PHF14: variants seen among roughly 807,000 people sequenced by gnomAD.
PHF14 encodes the protein PHD finger protein 14.
Under a neutral mutation model 117.9 loss-of-function variants are expected in PHF14, and 55 were observed. The observed-to-expected ratio is 0.47, with a 90% CI of 0.38 to 0.58. PHF14 has a LOEUF of 0.58. Among genes scored for constraint, PHF14 ranks in the 20% least tolerant of loss-of-function variants. The probability of loss-of-function intolerance (pLI) is 0.00; values close to 1 mark genes in which losing one functional copy is unlikely to be tolerated. For missense variants in PHF14, 978 were observed against 1,122.2 expected (o/e 0.87, Z 1.84); for synonymous variants, 409 against 368.6 (o/e 1.11, Z -1.26).
intron 2 of PHF14, among the ~76,000 whole-genome samples, chr7:10,980,812 C>T (rs2128307818): frequency 6.6e-6 from 1 of 152,206 alleles, no homozygotes; most frequent in Admixed American, 6.5e-5. Context: ...GGTGCATGTT[C>T]CATGTTACCC....
chr7:11,020,553 A>T (rs979538147), intron 5 of PHF14, among the ~76,000 whole-genome samples: 4 of 151,402 alleles, frequency 2.6e-5, no homozygotes, highest in African/African-American at 9.7e-5. Context: ...TAAATTTTGT[A>T]TTTTTTGTAG....
intron 7 of PHF14, among the ~76,000 whole-genome samples, chr7:11,030,672 T>A (rs1052568566): frequency 1.2e-4 from 19 of 152,304 alleles, no homozygotes; most frequent in African/African-American, 4.6e-4. Context: ...TACATTAGGA[T>A]GTGAGAATTA....
At chr7:11,036,878 G>C in intron 9 of PHF14, 107 bp from the exon 10 acceptor site, 1 of 967,474 alleles carries the variant, frequency 1.0e-6, no homozygotes, top group Non-Finnish European at 1.5e-6. Context: ...ATACTTAAAA[G>C]TTTTAAACTA....
chr7:10,988,595 T>TA (rs1440562336), intron 3 of PHF14, among the ~76,000 whole-genome samples: 2 of 149,978 alleles, frequency 1.3e-5, no homozygotes, highest in Non-Finnish European at 3.0e-5. Flanking sequence ...TTTTTGGACT[T>TA]ACCGTGGGGA....
intron 2 of PHF14, among the ~76,000 whole-genome samples, chr7:10,982,137 G>C (rs1052553060): frequency 6.6e-5 from 10 of 152,064 alleles, no homozygotes; most frequent in African/African-American, 2.4e-4. Context: ...TTTTAATTTA[G>C]GGTTATCTAT....
At chr7:11,092,543 T>C (rs1786678817) in intron 16 of PHF14, among the ~76,000 whole-genome samples, 1 of 127,132 alleles carries the variant, frequency 7.9e-6, no homozygotes, top group African/African-American at 3.0e-5. Context: ...GGCCTGGATC[T>C]CACTCTTGAA....
intron 6 of PHF14, among the ~76,000 whole-genome samples, chr7:11,023,249 A>G (rs939734442): frequency 6.6e-6 from 1 of 152,170 alleles, no homozygotes; most frequent in African/African-American, 2.4e-5. Context: ...TGCCTAATAC[A>G]TAGACCAAAA....
At chr7:11,071,384 A>C (rs563206209) in intron 16 of PHF14, 91 of 435,852 alleles carry the variant, frequency 2.1e-4, no homozygotes, top group Admixed American at 3.5e-4. Context: ...TTTCTTGCTT[A>C]AATATCTTAG....
rs1400678885 is a variant in PHF14 at position 11,051,726 on chromosome 7, A to G, written c.2427A>G (p.Lys809=). The change falls in exon 14 of 18, where the codon AAA becomes AAG. Residue 809 remains lysine, a synonymous_variant. Transcript: ENST00000634607. ...RSRRQIKEPV[K]FVPQDVPPEP... ...GGAGGCAGATTAAGGAACCAGTGAAATTTGTTCCACAGGATGTGCCACCAG... is the reference window on the plus strand; with the variant it reads ...GGAGGCAGATTAAGGAACCAGTGAAGTTTGTTCCACAGGATGTGCCACCAG... 1 of 1,613,790 alleles carries G rather than the reference A, an allele frequency of 6.2e-7. No homozygotes were observed. Among genetic ancestry groups the G allele is most frequent in the Non-Finnish European group, 8.5e-7 (1 of 1,179,764 alleles).
intron 17 of PHF14, among the ~76,000 whole-genome samples, chr7:11,156,852 A>T (rs1308621563): frequency 6.6e-6 from 1 of 152,160 alleles, no homozygotes; most frequent in Non-Finnish European, 1.5e-5. Flanking sequence ...TTTCCAAAGC[A>T]TATAGTCCTT....
At chr7:11,102,386 T>C in intron 16 of PHF14, 1 of 1,273,048 alleles carries the variant, frequency 7.9e-7, no homozygotes. Flanking sequence ...ATATGTTATT[T>C]GAATCTACTG....
chr7:11,012,692 C>T (rs936538217), intron 4 of PHF14, among the ~76,000 whole-genome samples: 3 of 152,172 alleles, frequency 2.0e-5, no homozygotes, highest in African/African-American at 4.8e-5. Flanking sequence ...ATTTTTATTA[C>T]ATTAGCTGCC....
chr7:10,990,492 A>C (rs1428321975), intron 3 of PHF14, among the ~76,000 whole-genome samples: 1 of 152,138 alleles, frequency 6.6e-6, no homozygotes, highest in Non-Finnish European at 1.5e-5. Flanking sequence ...TGAAAAATTA[A>C]ATAAGAGGGT....
intron 16 of PHF14, chr7:11,102,398 G>C: frequency 7.1e-7 from 1 of 1,403,828 alleles, no homozygotes; most frequent in South Asian, 1.2e-5. Flanking sequence ...AATCTACTGT[G>C]GTTTGTTAGT....
At position 11,041,944 on chromosome 7, in the gene PHF14, T is replaced by C. The variant is rs141872178; in HGVS notation, c.2181-739T>C. On this transcript the variant is annotated intron_variant, in intron 12 of 17. Transcript: ENST00000634607. ...CATTGCTTTCTGTACTTTCCAAATA[T>C]AAATATACTTTAGATTTTCAGGTGA... 2.9e-3 allele frequency among the ~76,000 whole-genome samples: 437 copies of C among 151,856 alleles called. 4 individuals carry two copies. The highest frequency in any genetic ancestry group is 0.01 in the African/African-American group (422 of 41,500).
intron 11 of PHF14, among the ~76,000 whole-genome samples, chr7:11,040,421 A>G (rs1784463661): frequency 6.6e-6 from 1 of 152,074 alleles, no homozygotes; most frequent in African/African-American, 2.4e-5. Flanking sequence ...TGAAAGCTGA[A>G]ATAGAAGTTT....
rs530720821 is a variant in PHF14 at position 10,974,384 on chromosome 7, G to A, written c.1+60G>A. The A allele has an allele frequency of 3.4e-5, 49 of 1,440,606 alleles. No homozygotes were observed. In the African/African-American group the frequency reaches 4.9e-4, roughly 14 times the overall value. 89.2% of individuals were successfully genotyped at this position (1,440,606 alleles called of 1,614,324 possible). Reference sequence around the variant, plus strand: ...CATTTCAGCCATTCTAGAAGTCAGGGCCGGTGGGAGCAGGGCAGGGGTGGG... The same window carrying A: ...CATTTCAGCCATTCTAGAAGTCAGGACCGGTGGGAGCAGGGCAGGGGTGGG... On this transcript the variant is annotated intron_variant, in intron 1 of 17. Coordinates refer to ENST00000634607, the MANE Select transcript of PHF14 (RefSeq NM_001007157.2).
At chr7:11,089,095 TA>T (rs76206106) in intron 16 of PHF14, among the ~76,000 whole-genome samples, 1,933 of 138,664 alleles carry the variant, frequency 0.014, 29 homozygotes, top group African/African-American at 0.046. Context: ...TAATTAGATA[TA>T]AAAAAAAAAA....
At chr7:11,102,690 G>C in intron 16 of PHF14, 1 of 1,424,716 alleles carries the variant, frequency 7.0e-7, no homozygotes, top group Non-Finnish European at 9.2e-7. Flanking sequence ...GAATATAATT[G>C]ATTGGTTTGT....
Sources: gnomAD v4.1 joint callset for allele counts (sites outside exome capture counted in the v4.1 genomes callset) on GRCh38, gnomAD v4.1.1 for gene constraint, MANE v1.5 for transcripts, NCBI Gene and HGNC (gene_info 2026-07-23, HGNC 2026-07-21) for gene names.